HDGFL3: variants seen among roughly 807,000 people sequenced by gnomAD.
HDGFL3 encodes the protein HDGF like 3.
Under a neutral mutation model 27.6 loss-of-function variants are expected in HDGFL3, and 6 were observed. That is an observed-to-expected ratio of 0.22 (90% CI 0.12 to 0.43). The LOEUF (loss-of-function observed/expected upper bound fraction) is 0.43. Ranked by LOEUF, HDGFL3 falls within the 20% of genes least tolerant of loss-of-function variation. HDGFL3 has a pLI of 1.00. For missense variants in HDGFL3, 207 were observed against 250.1 expected (o/e 0.83, Z 1.16); for synonymous variants, 88 against 88.9 (o/e 0.99, Z 0.05).
chr15:83,163,918 G>GT, intron 2 of HDGFL3, 81 bp downstream of exon 2: 1 of 891,262 alleles, frequency 1.1e-6, no homozygotes, highest in African/African-American at 1.7e-5. Flanking sequence ...TTAATAAGAC[G>GT]TAAGATGTCA....
In HDGFL3 at chr15:83,131,175, CCATT is replaced by C. The variant is rs1208926740; in HGVS notation, c.*8091_*8094del. ...TCAGCATCTTTGCTTGCTAAAATTG[CCATT>C]CTTATTTAGAAACCTTATGCATTCA... On this transcript the variant is annotated 3_prime_UTR_variant, in exon 6 of 6. Coordinates refer to ENST00000299633, the MANE Select transcript of HDGFL3 (RefSeq NM_016073.4). The C allele has an allele frequency of 3.3e-5, 5 of 152,070 alleles. No individual in the cohort carries two copies. The highest frequency in any genetic ancestry group is 1.2e-4 in the African/African-American group (5 of 41,404). 9.4% of individuals were successfully genotyped at this position (152,070 alleles called of 1,614,324 possible).
chr15:83,192,197 C>G, intron 1 of HDGFL3: 1 of 417,696 alleles, frequency 2.4e-6, no homozygotes, highest in East Asian at 8.5e-5. Flanking sequence ...CTGCCTCGGC[C>G]TCCCAAAGTG....
At position 83,128,996 on chromosome 15, in the gene HDGFL3, A is replaced by C. The variant is rs2036007457; in HGVS notation, c.*10274T>G. The C allele has an allele frequency of 6.6e-6, 1 of 152,088 alleles. No homozygotes were observed. Among genetic ancestry groups the C allele is most frequent in the African/African-American group, 2.4e-5 (1 of 41,408 alleles). The allele number at this position is 152,088 out of a possible 1,614,324, so 9.4% of individuals were successfully genotyped here. A position where few individuals can be genotyped will look rare whatever the true frequency, so the allele number is the denominator to read the frequency against. ...CAGACATACACCACCGCACACAGCTAATTTTTAAATTTTTTAAAGAGATGG... is the reference window on the plus strand; with the variant it reads ...CAGACATACACCACCGCACACAGCTCATTTTTAAATTTTTTAAAGAGATGG... On this transcript the variant is annotated 3_prime_UTR_variant, in exon 6 of 6. Coordinates refer to ENST00000299633, the MANE Select transcript of HDGFL3 (RefSeq NM_016073.4).
At chr15:83,189,808 T>G (rs938621768) in intron 1 of HDGFL3, among the ~76,000 whole-genome samples, 1 of 152,206 alleles carries the variant, frequency 6.6e-6, no homozygotes, top group Non-Finnish European at 1.5e-5. Flanking sequence ...CACTGATAAT[T>G]GCAAAGGTAC....
rs2037633073 is a variant in HDGFL3 at position 83,200,602 on chromosome 15, C to T, written c.84+6729G>A. On this transcript the variant is annotated intron_variant, in intron 1 of 5. Transcript: ENST00000299633. Reference sequence around the variant, plus strand: ...ATTGGAACTTAATTAGCAAATAGTTCTTTCATATACATTTTAACATTTGAT... The same window carrying T: ...ATTGGAACTTAATTAGCAAATAGTTTTTTCATATACATTTTAACATTTGAT... 2.0e-5 allele frequency among the ~76,000 whole-genome samples: 3 copies of T among 152,162 alleles called. No individual in the cohort carries two copies. In the South Asian group the frequency reaches 6.2e-4, roughly 32 times the overall value.
chr15:83,148,391 G>A (rs2036925268), intron 5 of HDGFL3, among the ~76,000 whole-genome samples: 1 of 152,156 alleles, frequency 6.6e-6, no homozygotes, highest in African/African-American at 2.4e-5. Flanking sequence ...GGAGGCTGAG[G>A]CAGGCAGATC....
At chr15:83,192,353 C>T (rs1250786034) in intron 1 of HDGFL3, 1 of 452,352 alleles carries the variant, frequency 2.2e-6, no homozygotes, top group Admixed American at 2.4e-5. Flanking sequence ...TAGACATGCA[C>T]TCCTGACAGG....
chr15:83,128,535 T>C lies in HDGFL3; in HGVS notation c.*10735A>G, dbSNP rs1181262620. The C allele has an allele frequency of 2.0e-5, 3 of 152,190 alleles. No homozygotes were observed. Among genetic ancestry groups the C allele is most frequent in the Middle Eastern group, 3.2e-3 (1 of 316 alleles). The allele number at this position is 152,190 out of a possible 1,614,324, so 9.4% of individuals were successfully genotyped here. On this transcript the variant is annotated 3_prime_UTR_variant, in exon 6 of 6. Transcript: ENST00000299633. ...TTGGGGTTTATTTCTGTATTTTAGGTCTTTATCTTTGTATCTTTCAATACC... is the reference window on the plus strand; with the variant it reads ...TTGGGGTTTATTTCTGTATTTTAGGCCTTTATCTTTGTATCTTTCAATACC...
chr15:83,155,419 T>C (rs2037015556), intron 4 of HDGFL3, among the ~76,000 whole-genome samples: 1 of 152,170 alleles, frequency 6.6e-6, no homozygotes, highest in African/African-American at 2.4e-5. Context: ...TAATTTAGGG[T>C]TGCACAACAC....
chr15:83,195,366 G>A (rs2037556890), intron 1 of HDGFL3, among the ~76,000 whole-genome samples: 1 of 151,630 alleles, frequency 6.6e-6, no homozygotes, highest in Admixed American at 6.6e-5. Context: ...TTGCACCCAT[G>A]CTGTTGATTG....
At chr15:83,115,987 C>T (rs758199585) in intron 3 of HDGFL3, 1 of 1,392,688 alleles carries the variant, frequency 7.2e-7, no homozygotes, top group African/African-American at 1.4e-5. Flanking sequence ...CAAAAGGCCA[C>T]AACCCAGATC....
chr15:83,181,372 C>T (rs757159403), intron 1 of HDGFL3, among the ~76,000 whole-genome samples: 2 of 152,112 alleles, frequency 1.3e-5, no homozygotes, highest in Non-Finnish European at 2.9e-5. Context: ...TGGGGAGAGG[C>T]GTAGTCTCTG....
chr15:83,124,131 A>G (rs1207533283), downstream of HDGFL3, among the ~76,000 whole-genome samples: 4 of 152,204 alleles, frequency 2.6e-5, no homozygotes, highest in African/African-American at 9.6e-5. Context: ...TATGGTATTC[A>G]GTTTGAGAAA....
intron 1 of HDGFL3, among the ~76,000 whole-genome samples, chr15:83,202,929 T>G (rs549948716): frequency 4.6e-4 from 70 of 152,264 alleles, no homozygotes; most frequent in Non-Finnish European, 8.4e-4. Context: ...TTGGGTTGTT[T>G]CCTGTTCTAT....
intron 1 of HDGFL3, among the ~76,000 whole-genome samples, chr15:83,176,350 T>C (rs1376291203): frequency 6.6e-6 from 1 of 152,228 alleles, no homozygotes; most frequent in Non-Finnish European, 1.5e-5. Flanking sequence ...AAATCTAACA[T>C]AAAATGAATA....
chr15:83,193,903 G>C (rs1201482758), intron 1 of HDGFL3, among the ~76,000 whole-genome samples: 3 of 152,192 alleles, frequency 2.0e-5, no homozygotes, highest in African/African-American at 7.2e-5. Flanking sequence ...TACCTGTGCT[G>C]CTGCTGCTAT....
At chr15:83,185,100 T>A (rs2037425967) in intron 1 of HDGFL3, 1 of 152,254 alleles carries the variant, frequency 6.6e-6, no homozygotes, top group Non-Finnish European at 1.5e-5. Context: ...CTCGGCTCAC[T>A]GCAACCTCTG....
exon 4 of HDGFL3, chr15:83,112,816 G>A (rs765999177): frequency 6.2e-7 from 1 of 1,614,038 alleles, no homozygotes; most frequent in Non-Finnish European, 8.5e-7. Context: ...TATTGTAGGG[G>A]TTGCTGCCCT....
chr15:83,177,305 T>C (rs2037324887), intron 1 of HDGFL3, among the ~76,000 whole-genome samples: 1 of 152,236 alleles, frequency 6.6e-6, no homozygotes, highest in Non-Finnish European at 1.5e-5. Flanking sequence ...AAACACCTAT[T>C]TGTCCTTGTC....
Sources: gnomAD v4.1 joint callset for allele counts (sites outside exome capture counted in the v4.1 genomes callset) on GRCh38, gnomAD v4.1.1 for gene constraint, MANE v1.5 for transcripts, NCBI Gene and HGNC (gene_info 2026-07-23, HGNC 2026-07-21) for gene names.